CACNA1E: variants seen among roughly 807,000 people sequenced by gnomAD.
The protein encoded by CACNA1E is calcium voltage-gated channel subunit alpha1 E.
In CACNA1E, 40 loss-of-function variants were observed where a neutral mutation model predicts 259.2. The observed-to-expected ratio is 0.15, with a 90% CI of 0.12 to 0.20. CACNA1E has a LOEUF of 0.20. Ranked by LOEUF, CACNA1E falls within the 10% of genes least tolerant of loss-of-function variation. The pLI, the probability that CACNA1E is intolerant of heterozygous loss-of-function variation, is 1.00. For missense variants in CACNA1E, 1,874 were observed against 3,040.1 expected (o/e 0.62, Z 9.02); for synonymous variants, 1,104 against 1,138.5 (o/e 0.97, Z 0.61).
At chr1:181,509,318 G>A (rs1315022555) in intron 1 of CACNA1E, among the ~76,000 whole-genome samples, 1 of 152,160 alleles carries the variant, frequency 6.6e-6, no homozygotes, top group Non-Finnish European at 1.5e-5. Context: ...GGGCATTGCA[G>A]GGATAGCTGT....
At chr1:181,508,622 A>C (rs1287719618) in intron 1 of CACNA1E, among the ~76,000 whole-genome samples, 2 of 152,044 alleles carry the variant, frequency 1.3e-5, no homozygotes, top group Admixed American at 1.3e-4. Context: ...TACAGCCATG[A>C]TGGGAGGGGA....
chr1:181,646,672 T>C (rs888080667), intron 6 of CACNA1E, among the ~76,000 whole-genome samples: 7 of 152,200 alleles, frequency 4.6e-5, no homozygotes, highest in Admixed American at 1.3e-4. Context: ...GGCTGGGCCC[T>C]GCCTGCATAG....
At chr1:181,614,881 G>T (rs978872137) in intron 6 of CACNA1E, among the ~76,000 whole-genome samples, 3 of 151,988 alleles carry the variant, frequency 2.0e-5, no homozygotes, top group Non-Finnish European at 4.4e-5. Flanking sequence ...TGTTGCAAAC[G>T]TCCAAATTTT....
chr1:181,695,613 G>A (rs940588869), intron 7 of CACNA1E, among the ~76,000 whole-genome samples: 4 of 152,114 alleles, frequency 2.6e-5, no homozygotes, highest in African/African-American at 7.2e-5. Flanking sequence ...ATTTAGAGGG[G>A]GAAAGGAAAG....
At chr1:181,715,279 A>T (rs1653781176) in intron 8 of CACNA1E, 59 bp from the exon 9 acceptor site, 1 of 1,054,582 alleles carries the variant, frequency 9.5e-7, no homozygotes. Context: ...AGGGATTTTA[A>T]TCTTGCAGAA....
intron 6 of CACNA1E, among the ~76,000 whole-genome samples, chr1:181,626,088 A>G (rs1479427546): frequency 2.0e-5 from 3 of 152,360 alleles, no homozygotes; most frequent in Non-Finnish European, 4.4e-5. Context: ...TTACATAAAC[A>G]TGACTTATGG....
At chr1:181,480,352 C>A (rs1205196743), upstream of CACNA1E, among the ~76,000 whole-genome samples, 1 of 152,202 alleles carries the variant, frequency 6.6e-6, no homozygotes, top group African/African-American at 2.4e-5. Flanking sequence ...GCTGCACCCT[C>A]CAAGAATTAT....
At chr1:181,715,896 C>G (rs1653841327) in intron 9 of CACNA1E, 144 bp from the exon 10 acceptor site, 1 of 628,952 alleles carries the variant, frequency 1.6e-6, no homozygotes, top group Non-Finnish European at 2.9e-6. Context: ...TTTCTGTTAC[C>G]CTGGCTCAGG....
chr1:181,508,389 C>T (rs558994), intron 1 of CACNA1E, among the ~76,000 whole-genome samples: 48,777 of 152,072 alleles, frequency 0.32, 8,238 homozygotes, highest in African/African-American at 0.43. Flanking sequence ...ATGCGTGTTG[C>T]CAGTTCTCTT....
At chr1:181,536,493 C>G (rs1351418533) in intron 3 of CACNA1E, among the ~76,000 whole-genome samples, 1 of 152,182 alleles carries the variant, frequency 6.6e-6, no homozygotes, top group Non-Finnish European at 1.5e-5. Context: ...TTGCAATATT[C>G]TCACACTTTT....
At chr1:181,647,509 C>T (rs142838448) in intron 6 of CACNA1E, among the ~76,000 whole-genome samples, 2 of 152,302 alleles carry the variant, frequency 1.3e-5, no homozygotes, top group East Asian at 3.9e-4. Context: ...GTGCACACCA[C>T]GAGAGAGAAA....
At chr1:181,375,093 C>T (rs1571702542) in intron 1 of CACNA1E, among the ~76,000 whole-genome samples, 1 of 152,128 alleles carries the variant, frequency 6.6e-6, no homozygotes, top group Non-Finnish European at 1.5e-5. Flanking sequence ...TCAGTTTTGG[C>T]TCTGAACTTC....
chr1:181,766,300 A>G (rs1352175628), intron 34 of CACNA1E, among the ~76,000 whole-genome samples: 1 of 152,206 alleles, frequency 6.6e-6, no homozygotes, highest in Non-Finnish European at 1.5e-5. Flanking sequence ...TTTATGGGTG[A>G]GTGAATCTCC....
chr1:181,459,947 TG>T (rs1218608905), intron 2 of CACNA1E, among the ~76,000 whole-genome samples: 4 of 152,336 alleles, frequency 2.6e-5, no homozygotes, highest in African/African-American at 9.6e-5. Context: ...CTTTTACCAA[TG>T]GCCAGCTAGG....
At chr1:181,396,760 C>T (rs943328379) in intron 1 of CACNA1E, among the ~76,000 whole-genome samples, 12 of 152,222 alleles carry the variant, frequency 7.9e-5, no homozygotes, top group Middle Eastern at 6.8e-3. Context: ...AAATAGTTTA[C>T]GCTAAAACAG....
At chr1:181,494,272 G>A (rs1214773441) in intron 1 of CACNA1E, among the ~76,000 whole-genome samples, 1 of 151,850 alleles carries the variant, frequency 6.6e-6, no homozygotes, top group African/African-American at 2.4e-5. Context: ...ATTAACATCA[G>A]CATTTAACAC....
intron 6 of CACNA1E, among the ~76,000 whole-genome samples, chr1:181,619,193 G>A (rs1655497475): frequency 6.6e-6 from 1 of 151,830 alleles, no homozygotes; most frequent in Non-Finnish European, 1.5e-5. Context: ...GACGGGGTCG[G>A]TTTTGGTAGG....
At chr1:181,425,441 T>C (rs1230284034) in intron 2 of CACNA1E, among the ~76,000 whole-genome samples, 1 of 152,028 alleles carries the variant, frequency 6.6e-6, no homozygotes, top group Admixed American at 6.5e-5. Context: ...AAGGAAGTGC[T>C]CATTGTGGAG....
At chr1:181,559,407 G>A (rs1471243735) in intron 3 of CACNA1E, among the ~76,000 whole-genome samples, 1 of 152,194 alleles carries the variant, frequency 6.6e-6, no homozygotes, top group African/African-American at 2.4e-5. Flanking sequence ...CCAAGTGATA[G>A]TTGGGCACTT....
Sources: gnomAD v4.1 joint callset for allele counts (sites outside exome capture counted in the v4.1 genomes callset) on GRCh38, gnomAD v4.1.1 for gene constraint, MANE v1.5 for transcripts, NCBI Gene and HGNC (gene_info 2026-07-23, HGNC 2026-07-21) for gene names.